Variants in KYAT1 observed in about 807,000 individuals in gnomAD.
KYAT1 encodes kynurenine--oxoglutarate transaminase 1.
KYAT1 carries 47 observed loss-of-function variants against 52.4 expected under a neutral mutation model. The observed-to-expected ratio is 0.90, with a 90% confidence interval of 0.71 to 1.14. KYAT1 has a LOEUF of 1.14. Ranked by LOEUF, KYAT1 falls within the 50% of genes most tolerant of loss-of-function variation. The probability of loss-of-function intolerance (pLI) is 0.00; values close to 1 mark genes in which losing one functional copy is unlikely to be tolerated. For missense variants in KYAT1, 480 were observed against 557.9 expected, an observed-to-expected ratio of 0.86 and a Z score of 1.41; for synonymous variants, 212 against 209.6, an observed-to-expected ratio of 1.01 and a Z score of -0.10.
At chr9:128,872,746 T>C (rs952262836) in intron 1 of KYAT1, among the ~76,000 whole-genome samples, 8 of 149,900 alleles carry the variant, frequency 5.3e-5, no homozygotes, top group African/African-American at 2.0e-4. Flanking sequence ...CTAGCCTGGG[T>C]GACAGAGCGA....
chr9:128,857,156 C>T (rs1834750679), intron 1 of KYAT1, among the ~76,000 whole-genome samples: 1 of 152,166 alleles, frequency 6.6e-6, no homozygotes, highest in Non-Finnish European at 1.5e-5. Flanking sequence ...AGGCATAGTA[C>T]CTCCCCTTGA....
chr9:128,875,757 A>G (rs1159926197), intron 1 of KYAT1, among the ~76,000 whole-genome samples: 1 of 152,172 alleles, frequency 6.6e-6, no homozygotes, highest in East Asian at 1.9e-4. Flanking sequence ...GGTAGCTCTC[A>G]GGCATCTAAG....
At position 128,846,957 on chromosome 9, in the gene KYAT1, C is replaced by G. The variant is rs1240299268; in HGVS notation, c.-6-1546G>C. ...CTAGAGGTGCCACAATAGTCTCCAT[C>G]TAACAGATGAGGACACTGAGGCTTG... On this transcript the variant is annotated intron_variant, in intron 1 of 12. Coordinates refer to ENST00000302586, the MANE Select transcript of KYAT1 (RefSeq NM_004059.5). 32 of 1,098,808 alleles carry G rather than the reference C, an allele frequency of 2.9e-5. No individual in the cohort carries two copies. The East Asian group carries it at 8.3e-4, about 29-fold the overall frequency. 68.1% of individuals were successfully genotyped at this position (1,098,808 alleles called of 1,614,324 possible).
At chr9:128,858,231 T>C (rs561125491) in intron 1 of KYAT1, among the ~76,000 whole-genome samples, 2 of 150,426 alleles carry the variant, frequency 1.3e-5, no homozygotes, top group Admixed American at 6.7e-5. Flanking sequence ...ACCCCATCTC[T>C]ACCAAAAATA....
rs145076333 is a variant in KYAT1 at position 128,875,566 on chromosome 9, T to C, written c.-7+6331A>G. ...AGGCAGAGGTTGAAGTGAGCCAAGA[T>C]TGAGCCACTGCACTCCAGCCTGACA... is the stretch of plus-strand genomic sequence containing the variant. On this transcript the variant is annotated intron_variant, in intron 1 of 12. Coordinates refer to ENST00000302586, the MANE Select transcript of KYAT1 (RefSeq NM_004059.5). 3.3e-5 allele frequency among the ~76,000 whole-genome samples: 5 copies of C among 151,806 alleles called. No individual in the cohort carries two copies. In the East Asian group the frequency reaches 9.7e-4, roughly 30 times the overall value.
intron 3 of KYAT1, chr9:128,840,466 G>C (rs947989876): frequency 3.0e-6 from 1 of 332,878 alleles, no homozygotes; most frequent in African/African-American, 2.2e-5. Flanking sequence ...GGGCAGGCTG[G>C]TCTTGAACTC....
rs1836121654 is a variant in KYAT1 at position 128,865,332 on chromosome 9, TATATATATA to T, written c.-7+16556_-7+16564del. 2.1e-3 allele frequency among the ~76,000 whole-genome samples: 5 copies of T among 2,360 alleles called. 1 individual carries two copies. Among genetic ancestry groups the T allele is most frequent in the Admixed American group, 6.8e-3 (1 of 146 alleles). The allele number at this position is 2,360 out of a possible 152,430, so 1.5% of individuals were successfully genotyped here. On this transcript the variant is annotated intron_variant, in intron 1 of 12. Coordinates refer to ENST00000302586, the MANE Select transcript of KYAT1 (RefSeq NM_004059.5). ...ACATATATATATATATATATATATA[TATATATATA>T]TATATATATATATATATATTTTTTT...
intron 3 of KYAT1, chr9:128,842,233 G>A: frequency 5.3e-6 from 1 of 187,314 alleles, no homozygotes; most frequent in Admixed American, 5.6e-5. Flanking sequence ...TCTAATCCAA[G>A]CAGTGTCACA....
chr9:128,833,958 T>C, intron 11 of KYAT1, 132 bp from the exon 12 acceptor site: 1 of 678,006 alleles, frequency 1.5e-6, no homozygotes, highest in East Asian at 2.7e-5. Flanking sequence ...TAGAGCTGCA[T>C]CAAAGTCAGA....
At chr9:128,836,945 C>T (rs773817188) in intron 6 of KYAT1, 23 bp from the exon 7 acceptor site, 22 of 1,605,722 alleles carry the variant, frequency 1.4e-5, no homozygotes, top group Non-Finnish European at 1.9e-5. Context: ...AAGGAGAGCA[C>T]AGACCTGCAG....
intron 1 of KYAT1, among the ~76,000 whole-genome samples, chr9:128,881,227 C>CCCA (rs1317719656): frequency 6.6e-6 from 1 of 151,960 alleles, no homozygotes; most frequent in Non-Finnish European, 1.5e-5. Flanking sequence ...ACTACAGGCG[C>CCCA]CCACCACCAC....
chr9:128,877,347 C>T (rs1167828588), intron 1 of KYAT1, among the ~76,000 whole-genome samples: 2 of 152,232 alleles, frequency 1.3e-5, no homozygotes, highest in Non-Finnish European at 2.9e-5. Context: ...CTTTGCTGAA[C>T]TCAGAAAGCA....
intron 1 of KYAT1, among the ~76,000 whole-genome samples, chr9:128,855,111 T>C (rs747883201): frequency 5.3e-5 from 8 of 152,176 alleles, no homozygotes; most frequent in African/African-American, 9.7e-5. Flanking sequence ...CCAGAAGTCT[T>C]AGTTTGGGAA....
chr9:128,873,704 C>T (rs1467803594), intron 1 of KYAT1, among the ~76,000 whole-genome samples: 1 of 151,410 alleles, frequency 6.6e-6, no homozygotes, highest in Non-Finnish European at 1.5e-5. Flanking sequence ...CGCTTGAACC[C>T]GAGAGATAGA....
intron 1 of KYAT1, among the ~76,000 whole-genome samples, chr9:128,874,343 T>C (rs1405652803): frequency 1.3e-5 from 2 of 151,754 alleles, no homozygotes. Flanking sequence ...ATTTCTTCTA[T>C]GTTTGTTGCC....
intron 1 of KYAT1, among the ~76,000 whole-genome samples, chr9:128,875,826 C>T (rs1311560437): frequency 1.3e-5 from 2 of 152,178 alleles, no homozygotes; most frequent in Non-Finnish European, 2.9e-5. Context: ...GTGCCCCCCT[C>T]CAACACACAC....
chr9:128,861,481 TA>T (rs1198067302), intron 1 of KYAT1, among the ~76,000 whole-genome samples: 4 of 152,206 alleles, frequency 2.6e-5, no homozygotes, highest in African/African-American at 9.6e-5. Flanking sequence ...GTGAGTCAAT[TA>T]AATCTCTTTC....
intron 1 of KYAT1, among the ~76,000 whole-genome samples, chr9:128,870,555 T>G (rs956333739): frequency 6.6e-6 from 1 of 152,138 alleles, no homozygotes; most frequent in African/African-American, 2.4e-5. Context: ...GAGGATCGCT[T>G]GAGCCTGGGA....
chr9:128,846,701 A>C, intron 1 of KYAT1: 1 of 1,530,290 alleles, frequency 6.5e-7, no homozygotes, highest in Non-Finnish European at 8.7e-7. Context: ...GACCCTGGAT[A>C]GGTAATTTGG....
Sources: allele counts gnomAD v4.1 joint callset (sites outside exome capture counted in the v4.1 genomes callset), GRCh38; gene constraint gnomAD v4.1.1; transcripts MANE v1.5; gene names NCBI Gene and HGNC (gene_info 2026-07-23, HGNC 2026-07-21).